TMPRSS11D: variants seen among roughly 807,000 people sequenced by gnomAD.
The protein encoded by TMPRSS11D is transmembrane serine protease 11D, also known as transmembrane protease serine 11D.
In TMPRSS11D, 32 loss-of-function variants were observed where a neutral mutation model predicts 44.4. The ratio of observed to expected loss-of-function variants is 0.72; its 90% CI spans 0.54 to 0.97. The LOEUF (loss-of-function observed/expected upper bound fraction) is 0.97, where lower values mean the gene tolerates loss of function less well. TMPRSS11D is among the 50% of genes least tolerant of loss of function. The pLI is 0.00. For missense variants in TMPRSS11D, 446 were observed against 502.6 expected (o/e 0.89, Z 1.08); for synonymous variants, 179 against 177.9 (o/e 1.01, Z -0.05).
At chr4:67,873,708 A>G (rs1577832932) in intron 1 of TMPRSS11D, among the ~76,000 whole-genome samples, 1 of 152,248 alleles carries the variant, frequency 6.6e-6, no homozygotes, top group East Asian at 1.9e-4. Flanking sequence ...TGCGTTTCCA[A>G]CAAGCTCCCA....
chr4:67,840,704 TGAG>T (rs1718210198), intron 4 of TMPRSS11D, among the ~76,000 whole-genome samples: 1 of 152,174 alleles, frequency 6.6e-6, no homozygotes, highest in African/African-American at 2.4e-5. Context: ...GATAAATGCT[TGAG>T]GGGATGGATA....
intron 7 of TMPRSS11D, among the ~76,000 whole-genome samples, chr4:67,831,041 G>A (rs1272039938): frequency 6.6e-6 from 1 of 152,090 alleles, no homozygotes; most frequent in Admixed American, 6.6e-5. Context: ...TTTGTATAAG[G>A]AATAGTATGA....
chr4:67,826,276 T>C (rs1717790391), intron 8 of TMPRSS11D, among the ~76,000 whole-genome samples: 1 of 152,144 alleles, frequency 6.6e-6, no homozygotes, highest in East Asian at 1.9e-4. Flanking sequence ...CTATTTTATA[T>C]TGATGTACTC....
chr4:67,835,267 G>A (rs1308516602), intron 5 of TMPRSS11D, 146 bp from the exon 6 acceptor site: 1 of 671,650 alleles, frequency 1.5e-6, no homozygotes, highest in Non-Finnish European at 2.6e-6. Flanking sequence ...AGATTCCTAG[G>A]CTTCCTTTCA....
chr4:67,883,505 C>CAT (rs1719375832), intron 1 of TMPRSS11D, among the ~76,000 whole-genome samples: 1 of 151,918 alleles, frequency 6.6e-6, no homozygotes, highest in Non-Finnish European at 1.5e-5. Context: ...GGATTTATGG[C>CAT]ATATTTATTT....
intron 9 of TMPRSS11D, 25 bp downstream of exon 9, chr4:67,825,707 A>G: frequency 6.2e-7 from 1 of 1,610,962 alleles, no homozygotes. Flanking sequence ...GGATGATGAC[A>G]TGGATGAGAT....
At chr4:67,830,937 T>C (rs1318619235) in intron 7 of TMPRSS11D, among the ~76,000 whole-genome samples, 1 of 152,174 alleles carries the variant, frequency 6.6e-6, no homozygotes. Flanking sequence ...AAATGTATTA[T>C]GTCAACTATA....
At chr4:67,861,077 A>T (rs1313837322) in intron 1 of TMPRSS11D, among the ~76,000 whole-genome samples, 1 of 144,394 alleles carries the variant, frequency 6.9e-6, no homozygotes, top group Non-Finnish European at 1.5e-5. Context: ...GATCACTTTT[A>T]AAAAGAGCAT....
At chr4:67,831,516 T>C (rs1717945706) in intron 7 of TMPRSS11D, among the ~76,000 whole-genome samples, 2 of 152,146 alleles carry the variant, frequency 1.3e-5, no homozygotes, top group Admixed American at 1.3e-4. Flanking sequence ...TATAGTGATA[T>C]CGTTTACTTG....
In TMPRSS11D at chr4:67,838,339, A is replaced by G. The variant is rs761738900; in HGVS notation, c.318-10T>C. On this transcript the variant is annotated splice_polypyrimidine_tract_variant and intron_variant, in intron 4 of 9. Transcript: ENST00000283916. ...ACCACTACCATCTTGCCTGTAAATC[A>G]TAAAGATATTTTAAAAAACAAATAA... The G allele has an allele frequency of 6.5e-7, 1 of 1,532,360 alleles. No homozygotes were observed. Among genetic ancestry groups the G allele is most frequent in the East Asian group, 2.4e-5 (1 of 42,236 alleles). 94.9% of individuals were successfully genotyped at this position (1,532,360 alleles called of 1,614,324 possible).
chr4:67,872,115 A>G (rs919307215), intron 1 of TMPRSS11D, among the ~76,000 whole-genome samples: 2 of 152,160 alleles, frequency 1.3e-5, no homozygotes, highest in Non-Finnish European at 2.9e-5. Context: ...TCTGAGTTCT[A>G]CAAAGTGTAG....
chr4:67,879,000 A>T (rs1210981917), intron 1 of TMPRSS11D, among the ~76,000 whole-genome samples: 1 of 152,130 alleles, frequency 6.6e-6, no homozygotes, highest in Non-Finnish European at 1.5e-5. Context: ...GATATTTAGG[A>T]TTCAAATGGT....
chr4:67,852,595 A>G (rs1029224210), intron 3 of TMPRSS11D, among the ~76,000 whole-genome samples: 5 of 152,324 alleles, frequency 3.3e-5, no homozygotes, highest in African/African-American at 1.2e-4. Flanking sequence ...AAACCAAGTT[A>G]TGAGGAGACT....
Position 67,838,329 on chromosome 4 carries a change from C to A in TMPRSS11D, c.318G>T (p.Arg106Ser). ...QFIRAHVAKLRQDGSGVRADV... is the reference protein window; with the variant it reads ...QFIRAHVAKLSQDGSGVRADV... ...CCGCTCTCACACCACTACCATCTTG[C>A]CTGTAAATCATAAAGATATTTTAAA... is the stretch of plus-strand genomic sequence containing the variant. Residue 106 changes from arginine (R) to serine (S), a missense_variant and splice_region_variant, in exon 5 of 10, where the codon AGG (arginine) becomes AGT (serine). Arg to Ser is a moderately radical substitution (Grantham distance 110). Coordinates refer to ENST00000283916, the MANE Select transcript of TMPRSS11D (RefSeq NM_004262.3). 1 of 1,544,714 alleles carries A rather than the reference C, an allele frequency of 6.5e-7. No homozygotes were observed. The highest frequency in any genetic ancestry group is 1.3e-5 in the South Asian group (1 of 79,184).
At chr4:67,860,421 C>T (rs998616939) in intron 1 of TMPRSS11D, 2 of 151,992 alleles carry the variant, frequency 1.3e-5, no homozygotes, top group Non-Finnish European at 2.9e-5. Context: ...TGTCATTTAT[C>T]TGAGATTTTC....
At chr4:67,840,110 A>G (rs1718196829) in intron 4 of TMPRSS11D, among the ~76,000 whole-genome samples, 1 of 151,898 alleles carries the variant, frequency 6.6e-6, no homozygotes, top group Admixed American at 6.6e-5. Context: ...AGTGAGATTA[A>G]ATTTAAGCAT....
intron 1 of TMPRSS11D, among the ~76,000 whole-genome samples, chr4:67,875,389 T>C (rs1216998883): frequency 6.6e-6 from 1 of 152,198 alleles, no homozygotes; most frequent in Non-Finnish European, 1.5e-5. Flanking sequence ...TTCATCACCT[T>C]CACACCGTTC....
At chr4:67,873,426 C>A (rs78510213) in intron 1 of TMPRSS11D, among the ~76,000 whole-genome samples, 4,546 of 152,236 alleles carry the variant, frequency 0.03, 226 homozygotes, top group African/African-American at 0.1. Context: ...CCATCTCTTC[C>A]ATTCTGGGAA....
chr4:67,848,749 T>C (rs954764395), intron 3 of TMPRSS11D, among the ~76,000 whole-genome samples: 2 of 152,148 alleles, frequency 1.3e-5, no homozygotes, highest in East Asian at 3.9e-4. Context: ...CAGGTTGTAC[T>C]TAAGGAATGA....
Sources: gnomAD v4.1 joint callset for allele counts (sites outside exome capture counted in the v4.1 genomes callset) on GRCh38, gnomAD v4.1.1 for gene constraint, MANE v1.5 for transcripts, NCBI Gene and HGNC (gene_info 2026-07-23, HGNC 2026-07-21) for gene names.